The following SNTG2 variants were observed in gnomAD, a reference collection of about 807,000 sequenced individuals.
SNTG2 encodes the protein gamma-2-syntrophin.
A neutral mutation model predicts 70.9 loss-of-function variants in SNTG2; 74 were observed. That is an observed-to-expected ratio of 1.04 (90% CI 0.86 to 1.27). The LOEUF (loss-of-function observed/expected upper bound fraction) is 1.27, where lower values mean the gene tolerates loss of function less well. Ranked by LOEUF, SNTG2 falls within the 50% of genes most tolerant of loss-of-function variation. The pLI, the probability that SNTG2 is intolerant of heterozygous loss-of-function variation, is 0.00. For missense variants in SNTG2, 717 were observed against 690.7 expected (o/e 1.04, Z -0.43); for synonymous variants, 278 against 273.8 (o/e 1.02, Z -0.15).
chr2:1,312,513 TG>T (rs758727610), intron 15 of SNTG2, among the ~76,000 whole-genome samples: 6 of 152,126 alleles, frequency 3.9e-5, no homozygotes, highest in African/African-American at 9.7e-5. Flanking sequence ...CCAGGAGGGG[TG>T]CCGCCTGAGT....
intron 16 of SNTG2, among the ~76,000 whole-genome samples, chr2:1,333,388 C>T (rs1659635555): frequency 6.6e-6 from 1 of 152,024 alleles, no homozygotes; most frequent in African/African-American, 2.4e-5. Context: ...AAGTAATCTA[C>T]AAATTCAGTC....
chr2:987,347 C>A (rs1333909368), intron 1 of SNTG2, among the ~76,000 whole-genome samples: 3 of 152,156 alleles, frequency 2.0e-5, no homozygotes, highest in African/African-American at 7.2e-5. Flanking sequence ...TGATCCTGAA[C>A]TGTGAACACT....
chr2:961,825 C>T (rs1054252025), intron 1 of SNTG2, among the ~76,000 whole-genome samples: 3 of 152,152 alleles, frequency 2.0e-5, no homozygotes, highest in Non-Finnish European at 4.4e-5. Context: ...TTATAGAAAA[C>T]ACACTGGTAT....
chr2:1,125,391 C>T (rs1212645081), intron 4 of SNTG2, among the ~76,000 whole-genome samples: 3 of 152,102 alleles, frequency 2.0e-5, no homozygotes, highest in Non-Finnish European at 2.9e-5. Context: ...CTGTCCCTTC[C>T]TCCTGTCCTC....
intron 16 of SNTG2, among the ~76,000 whole-genome samples, chr2:1,322,646 T>C (rs1454905195): frequency 4.6e-5 from 7 of 152,068 alleles, no homozygotes; most frequent in Non-Finnish European, 1.0e-4. Context: ...TGTCTCTCTC[T>C]CTCTCCCCCT....
At chr2:976,803 C>T (rs1483731452) in intron 1 of SNTG2, among the ~76,000 whole-genome samples, 1 of 152,114 alleles carries the variant, frequency 6.6e-6, no homozygotes, top group African/African-American at 2.4e-5. Flanking sequence ...ACTCAAGAAC[C>T]CCCATCCGTC....
intron 14 of SNTG2, among the ~76,000 whole-genome samples, chr2:1,299,426 A>G (rs1277564126): frequency 6.6e-6 from 1 of 152,182 alleles, no homozygotes; most frequent in Non-Finnish European, 1.5e-5. Flanking sequence ...TGGCTCCTGC[A>G]GTCCCTGGCA....
rs1041309163 is a variant in SNTG2, at chr2:1,110,042, C to T, written c.325+11632C>T. ...GTTGGACACGAGGCTCACTGTTACT[C>T]ATGAAGATGTTGACACAGAACGACG... On this transcript the variant is annotated intron_variant, in intron 4 of 16. Coordinates refer to ENST00000308624, the MANE Select transcript of SNTG2 (RefSeq NM_018968.4). 2.0e-5 allele frequency among the ~76,000 whole-genome samples: 3 copies of T among 152,158 alleles called. No individual in the cohort carries two copies. The East Asian group carries it at 5.8e-4, about 29-fold the overall frequency.
Position 1,109,399 on chromosome 2 carries a change from G to T in SNTG2, c.325+10989G>T, listed in dbSNP as rs115428730. Among the ~76,000 whole-genome samples, 842 of 152,148 alleles carry T rather than the reference G, an allele frequency of 5.5e-3. 9 individuals carry two copies. The highest frequency in any genetic ancestry group is 0.019 in the African/African-American group (797 of 41,488). On this transcript the variant is annotated intron_variant, in intron 4 of 16. Coordinates refer to ENST00000308624, the MANE Select transcript of SNTG2 (RefSeq NM_018968.4). ...AAAACCACATGCTGAAAAAGGATGT[G>T]GAAGTCAGAGGGTGCCATCTGCATA...
intron 8 of SNTG2, among the ~76,000 whole-genome samples, chr2:1,176,309 G>T (rs1276107838): frequency 6.6e-6 from 1 of 152,084 alleles, no homozygotes; most frequent in Non-Finnish European, 1.5e-5. Flanking sequence ...GAGGGTGAAG[G>T]GTGGGAGGAG....
At chr2:1,017,228 A>G (rs1360855041) in intron 1 of SNTG2, among the ~76,000 whole-genome samples, 1 of 152,128 alleles carries the variant, frequency 6.6e-6, no homozygotes, top group Non-Finnish European at 1.5e-5. Context: ...TACTGCTGTA[A>G]CATCTAGTAT....
chr2:1,309,810 T>C (rs1680892554), intron 15 of SNTG2, among the ~76,000 whole-genome samples: 1 of 152,220 alleles, frequency 6.6e-6, no homozygotes, highest in African/African-American at 2.4e-5. Flanking sequence ...CCATCCAGTA[T>C]CCAGGTCCAT....
intron 6 of SNTG2, among the ~76,000 whole-genome samples, chr2:1,163,955 C>T (rs572655265): frequency 6.6e-6 from 1 of 152,288 alleles, no homozygotes; most frequent in African/African-American, 2.4e-5. Context: ...ATCCAGTCTT[C>T]AAAACCCATT....
intron 8 of SNTG2, among the ~76,000 whole-genome samples, chr2:1,192,314 G>T (rs1672644437): frequency 6.6e-6 from 1 of 152,162 alleles, no homozygotes; most frequent in Non-Finnish European, 1.5e-5. Flanking sequence ...TGCAGCGGGT[G>T]CCAAGATCAT....
rs1395498968 is a variant in SNTG2 at position 1,207,362 on chromosome 2, A to G, written c.592-1741A>G. Among the ~76,000 whole-genome samples, 3 of 152,316 alleles carry G rather than the reference A, an allele frequency of 2.0e-5. No individual in the cohort carries two copies. In the East Asian group the frequency reaches 5.8e-4, roughly 29 times the overall value. On this transcript the variant is annotated intron_variant, in intron 8 of 16. Coordinates refer to ENST00000308624, the MANE Select transcript of SNTG2 (RefSeq NM_018968.4). ...TTGAGCTATTGGCCATGGAATTAAT[A>G]AATATAGAGAAACAATGTTAGGATG...
intron 4 of SNTG2, among the ~76,000 whole-genome samples, chr2:1,136,106 A>G (rs1558441852): frequency 6.6e-6 from 1 of 152,134 alleles, no homozygotes; most frequent in Non-Finnish European, 1.5e-5. Flanking sequence ...CCACATGTGT[A>G]ATTTCACATG....
intron 6 of SNTG2, among the ~76,000 whole-genome samples, chr2:1,146,082 C>T (rs1381766702): frequency 6.6e-6 from 1 of 152,010 alleles, no homozygotes; most frequent in Non-Finnish European, 1.5e-5. Context: ...CAAAAAATCC[C>T]ACAGCTAACA....
Position 1,234,542 on chromosome 2 carries a change from G to A in SNTG2, c.720-3346G>A, listed in dbSNP as rs188800040. The stretch of plus-strand genomic sequence containing the variant: ...GTACGGTTGGCATTTGAAGCCCATC[G>A]TACGGACAAGGAAAGCCCAGCTCAG... On this transcript the variant is annotated intron_variant, in intron 9 of 16. Coordinates refer to ENST00000308624, the MANE Select transcript of SNTG2 (RefSeq NM_018968.4). Among the ~76,000 whole-genome samples, 123 of 152,276 alleles carry A rather than the reference G, an allele frequency of 8.1e-4. 1 individual carries two copies. Among genetic ancestry groups the A allele is most frequent in the African/African-American group, 2.6e-3 (108 of 41,564 alleles).
chr2:1,009,584 G>A (rs906176319), intron 1 of SNTG2, among the ~76,000 whole-genome samples: 5 of 138,078 alleles, frequency 3.6e-5, no homozygotes, highest in African/African-American at 1.3e-4. Context: ...GTGTATGGCA[G>A]CCACACCCAT....
Sources: gnomAD v4.1 joint callset for allele counts (sites outside exome capture counted in the v4.1 genomes callset) on GRCh38, gnomAD v4.1.1 for gene constraint, MANE v1.5 for transcripts, NCBI Gene and HGNC (gene_info 2026-07-23, HGNC 2026-07-21) for gene names.